Variants in PLB1 observed in about 807,000 individuals in gnomAD.
PLB1 encodes phospholipase B1, membrane-associated.
PLB1 carries 242 observed loss-of-function variants against 227.4 expected under a neutral mutation model. That is an observed-to-expected ratio of 1.06 (90% CI 0.96 to 1.18). The LOEUF (loss-of-function observed/expected upper bound fraction) is 1.18. PLB1 is among the 50% of genes most tolerant of loss of function. The pLI, the probability that PLB1 is intolerant of heterozygous loss-of-function variation, is 0.00. For synonymous variants in PLB1, 757 were observed against 682.2 expected, an observed-to-expected ratio of 1.11 and a Z score of -1.71; for missense variants, 1,858 against 1,816.3, an observed-to-expected ratio of 1.02 and a Z score of -0.42.
chr2:28,557,189 G>A (rs965010019), intron 17 of PLB1, among the ~76,000 whole-genome samples: 1 of 152,136 alleles, frequency 6.6e-6, no homozygotes, highest in African/African-American at 2.4e-5. Flanking sequence ...GTGTTTCCCT[G>A]CCCTTTGGTT....
In PLB1 at chr2:28,598,642, T is replaced by G. The variant is rs200441531; in HGVS notation, c.2366-10T>G. 2 of 1,608,386 alleles carry G rather than the reference T, an allele frequency of 1.2e-6. No homozygotes were observed. Among genetic ancestry groups the G allele is most frequent in the East Asian group, 4.5e-5 (2 of 44,856 alleles). On this transcript the variant is annotated splice_polypyrimidine_tract_variant and intron_variant, in intron 34 of 57. Coordinates refer to ENST00000327757, the MANE Select transcript of PLB1 (RefSeq NM_153021.5). ...TGAGCCGTCTGCATCCCATTCACCTTCTCTTCCAGATATCCTTCGGGAGTT... is the reference window on the plus strand; with the variant it reads ...TGAGCCGTCTGCATCCCATTCACCTGCTCTTCCAGATATCCTTCGGGAGTT...
chr2:28,572,609 T>A (rs942664499), intron 20 of PLB1, among the ~76,000 whole-genome samples: 2 of 152,070 alleles, frequency 1.3e-5, no homozygotes, highest in African/African-American at 4.8e-5. Context: ...ACAACATGGG[T>A]GAATGTTGAA....
At chr2:28,527,215 C>T (rs1480245545) in intron 6 of PLB1, among the ~76,000 whole-genome samples, 2 of 152,196 alleles carry the variant, frequency 1.3e-5, no homozygotes, top group Non-Finnish European at 2.9e-5. Flanking sequence ...TGCCCTGTTA[C>T]AAGTCTGAGT....
intron 44 of PLB1, 63 bp downstream of exon 44, chr2:28,614,159 G>T: frequency 7.0e-7 from 1 of 1,438,010 alleles, no homozygotes; most frequent in Admixed American, 1.7e-5. Context: ...CAGGGGCTCG[G>T]GTGTGGTACA....
At chr2:28,605,172 C>T (rs1343241886) in intron 41 of PLB1, among the ~76,000 whole-genome samples, 1 of 152,222 alleles carries the variant, frequency 6.6e-6, no homozygotes, top group Non-Finnish European at 1.5e-5. Context: ...CGTGGTCTCT[C>T]TCGTGTGCAA....
chr2:28,577,348 C>A (rs1001866504), intron 21 of PLB1, among the ~76,000 whole-genome samples: 1 of 152,166 alleles, frequency 6.6e-6, no homozygotes, highest in African/African-American at 2.4e-5. Flanking sequence ...GCAAAAGGCA[C>A]CTAAGTGTCC....
chr2:28,548,775 G>A (rs1255199442), intron 14 of PLB1, 85 bp from the exon 15 acceptor site: 1 of 1,302,836 alleles, frequency 7.7e-7, no homozygotes, highest in Non-Finnish European at 1.1e-6. Flanking sequence ...ACTGCTGCTG[G>A]ACTAATGAGT....
At chr2:28,544,364 C>T (rs926338884) in intron 14 of PLB1, among the ~76,000 whole-genome samples, 1 of 152,236 alleles carries the variant, frequency 6.6e-6, no homozygotes, top group Non-Finnish European at 1.5e-5. Context: ...TCTCCCAAGC[C>T]CTCTCTCAGG....
At chr2:28,511,928 G>T (rs1261836404) in intron 1 of PLB1, among the ~76,000 whole-genome samples, 3 of 150,892 alleles carry the variant, frequency 2.0e-5, no homozygotes, top group African/African-American at 4.9e-5. Flanking sequence ...GGGATTACAG[G>T]CACCTACCAC....
rs1339567176 is a variant in PLB1 at position 28,548,843 on chromosome 2, C to T, written c.937-17C>T. 3.7e-6 allele frequency: 6 copies of T among 1,613,738 alleles called. No individual in the cohort carries two copies. In the African/African-American group the frequency reaches 6.7e-5, roughly 18 times the overall value. ...TGCACAAAACTTCCCTGTTCTAAAGCCCACGTTCCTTTCTAGATGGAGCCA... is the reference window on the plus strand; with the variant it reads ...TGCACAAAACTTCCCTGTTCTAAAGTCCACGTTCCTTTCTAGATGGAGCCA... On this transcript the variant is annotated splice_polypyrimidine_tract_variant and intron_variant, in intron 14 of 57. Transcript: ENST00000327757.
chr2:28,500,140 C>T (rs1666919629), intron 1 of PLB1, among the ~76,000 whole-genome samples: 1 of 152,122 alleles, frequency 6.6e-6, no homozygotes, highest in Admixed American at 6.5e-5. Context: ...TTCATTTCTT[C>T]AGTCATTGCT....
chr2:28,596,567 G>A (rs976819917), intron 33 of PLB1, among the ~76,000 whole-genome samples: 1 of 152,200 alleles, frequency 6.6e-6, no homozygotes, highest in East Asian at 1.9e-4. Flanking sequence ...ACAAGTGATT[G>A]GCAGAGGTAT....
At chr2:28,573,434 C>A (rs921730419) in intron 21 of PLB1, 129 bp downstream of exon 21, 1 of 682,946 alleles carries the variant, frequency 1.5e-6, no homozygotes, top group Non-Finnish European at 2.6e-6. Flanking sequence ...GGGGCCAAAG[C>A]CTGGACAGAG....
chr2:28,514,810 A>G (rs888008578), intron 1 of PLB1, among the ~76,000 whole-genome samples: 3 of 152,044 alleles, frequency 2.0e-5, no homozygotes, highest in East Asian at 3.9e-4. Context: ...CACCATCACC[A>G]TTTGCTAGCA....
intron 33 of PLB1, chr2:28,594,700 G>A (rs1468070625): frequency 6.6e-6 from 1 of 152,334 alleles, no homozygotes; most frequent in African/African-American, 2.4e-5. Flanking sequence ...CGAGGACCTA[G>A]GTTGTCCTTA....
chr2:28,545,765 A>G (rs1264158200), intron 14 of PLB1, among the ~76,000 whole-genome samples: 1 of 152,050 alleles, frequency 6.6e-6, no homozygotes, highest in African/African-American at 2.4e-5. Context: ...TGGGACATCG[A>G]GGTGGAAGGC....
intron 14 of PLB1, among the ~76,000 whole-genome samples, chr2:28,548,145 G>C (rs1673591423): frequency 6.6e-6 from 1 of 152,006 alleles, no homozygotes; most frequent in African/African-American, 2.4e-5. Flanking sequence ...AAAGACATGA[G>C]ACTTGACCCA....
chr2:28,565,983 C>T (rs769690858), intron 19 of PLB1, among the ~76,000 whole-genome samples: 1 of 152,198 alleles, frequency 6.6e-6, no homozygotes, highest in Non-Finnish European at 1.5e-5. Context: ...GGAAGCAGAG[C>T]AGATGCTTCC....
chr2:28,534,937 C>T (rs1254079479), intron 9 of PLB1, among the ~76,000 whole-genome samples: 1 of 152,112 alleles, frequency 6.6e-6, no homozygotes, highest in South Asian at 2.1e-4. Context: ...TCTTTAGGTG[C>T]GCACATTTTG....
Sources: allele counts gnomAD v4.1 joint callset (sites outside exome capture counted in the v4.1 genomes callset), GRCh38; gene constraint gnomAD v4.1.1; transcripts MANE v1.5; gene names NCBI Gene and HGNC (gene_info 2026-07-23, HGNC 2026-07-21).